Variants in SHANK2 observed in about 807,000 individuals in gnomAD.
SHANK2 encodes SH3 and multiple ankyrin repeat domains 2, also known as SH3 and multiple ankyrin repeat domains protein 2.
SHANK2 carries 43 observed loss-of-function variants against 133.7 expected under a neutral mutation model. The observed-to-expected ratio is 0.32, with a 90% CI of 0.25 to 0.41. The LOEUF is 0.41. SHANK2 is among the 10% of genes least tolerant of loss of function. The pLI, the probability that SHANK2 is intolerant of heterozygous loss-of-function variation, is 1.00. For missense variants in SHANK2, 1,994 were observed against 2,235.8 expected (o/e 0.89, Z 2.18); for synonymous variants, 1,017 against 952.8 (o/e 1.07, Z -1.24).
intron 2 of SHANK2, among the ~76,000 whole-genome samples, chr11:71,187,385 TG>T (rs144361367): frequency 0.03 from 4,635 of 152,206 alleles, 105 homozygotes; most frequent in African/African-American, 0.062. Flanking sequence ...ATGTTTTGTT[TG>T]GAGACAGTTT....
intron 17 of SHANK2, among the ~76,000 whole-genome samples, chr11:70,557,573 C>T (rs1474811925): frequency 6.6e-6 from 1 of 152,120 alleles, no homozygotes; most frequent in East Asian, 1.9e-4. Context: ...AAGCCGGGAG[C>T]AGGGAGCAGG....
intron 3 of SHANK2, among the ~76,000 whole-genome samples, chr11:71,123,859 C>T (rs1199842084): frequency 6.6e-6 from 1 of 152,126 alleles, no homozygotes; most frequent in Non-Finnish European, 1.5e-5. Flanking sequence ...CCTTGAGCTT[C>T]TATCTTCTGT....
chr11:70,835,579 A>G (rs1555059863), intron 11 of SHANK2, among the ~76,000 whole-genome samples: 1 of 152,102 alleles, frequency 6.6e-6, no homozygotes, highest in Non-Finnish European at 1.5e-5. Context: ...ATCTTGCACC[A>G]TGAGAAGAGA....
At chr11:70,938,083 T>TA (rs1349900591) in intron 10 of SHANK2, among the ~76,000 whole-genome samples, 1 of 152,192 alleles carries the variant, frequency 6.6e-6, no homozygotes, top group Non-Finnish European at 1.5e-5. Context: ...TCTTCATAAT[T>TA]ACAGCAGGAA....
At chr11:70,682,800 C>T (rs1374406716) in intron 15 of SHANK2, among the ~76,000 whole-genome samples, 3 of 152,014 alleles carry the variant, frequency 2.0e-5, no homozygotes, top group African/African-American at 4.8e-5. Flanking sequence ...CAAGAGCAGC[C>T]GTGGATGGAA....
At chr11:70,755,280 C>T (rs1946843467) in intron 14 of SHANK2, among the ~76,000 whole-genome samples, 1 of 152,188 alleles carries the variant, frequency 6.6e-6, no homozygotes, top group African/African-American at 2.4e-5. Context: ...CCATGTTGGC[C>T]AGGCTGGTCT....
At chr11:71,139,569 T>C (rs782815778) in intron 3 of SHANK2, among the ~76,000 whole-genome samples, 1 of 152,136 alleles carries the variant, frequency 6.6e-6, no homozygotes, top group Non-Finnish European at 1.5e-5. Flanking sequence ...CCAGTTTTCT[T>C]CCCTCTTCCT....
At chr11:71,228,893 T>C (rs1297078978) in intron 1 of SHANK2, among the ~76,000 whole-genome samples, 1 of 152,226 alleles carries the variant, frequency 6.6e-6, no homozygotes, top group African/African-American at 2.4e-5. Flanking sequence ...AAAAGAATTA[T>C]ATACCATGAC....
chr11:70,685,924 C>T (rs1591748196), intron 15 of SHANK2, among the ~76,000 whole-genome samples: 1 of 152,126 alleles, frequency 6.6e-6, no homozygotes, highest in East Asian at 1.9e-4. Flanking sequence ...GTCACAGATT[C>T]AGTCAGCCAC....
At chr11:71,098,927 G>A (rs1182958342) in intron 6 of SHANK2, among the ~76,000 whole-genome samples, 3 of 152,154 alleles carry the variant, frequency 2.0e-5, no homozygotes, top group African/African-American at 7.2e-5. Context: ...CTCTCCGTGG[G>A]GAAACCTGAT....
intron 10 of SHANK2, among the ~76,000 whole-genome samples, chr11:70,950,842 G>C (rs982678618): frequency 1.3e-5 from 2 of 151,580 alleles, no homozygotes; most frequent in African/African-American, 4.9e-5. Context: ...GTTTTGTTTT[G>C]GTTTTTTTGT....
intron 14 of SHANK2, among the ~76,000 whole-genome samples, chr11:70,744,051 G>A (rs1298881652): frequency 1.3e-5 from 2 of 152,198 alleles, no homozygotes; most frequent in East Asian, 3.9e-4. Context: ...TGGGCATCCC[G>A]GGCCACACTT....
At chr11:70,822,100 C>T (rs1169323960) in intron 11 of SHANK2, among the ~76,000 whole-genome samples, 1 of 152,262 alleles carries the variant, frequency 6.6e-6, no homozygotes, top group African/African-American at 2.4e-5. Context: ...GGCAGCCCTC[C>T]AAGCTCCGCA....
At chr11:70,685,229 C>A (rs1252023779) in intron 15 of SHANK2, among the ~76,000 whole-genome samples, 1 of 152,138 alleles carries the variant, frequency 6.6e-6, no homozygotes, top group African/African-American at 2.4e-5. Flanking sequence ...AGTCTGGGCC[C>A]CTCTCTTCCA....
chr11:70,485,825 C>G lies in SHANK2; in HGVS notation c.4468G>C (p.Gly1490Arg). 1 of 1,614,018 alleles carries G rather than the reference C, an allele frequency of 6.2e-7. No individual in the cohort carries two copies. Among genetic ancestry groups the G allele is most frequent in the Non-Finnish European group, 8.5e-7 (1 of 1,180,032 alleles). Residue 1490 changes from glycine to arginine, a missense_variant, in exon 25 of 26, where the codon GGG becomes CGG. By Grantham distance (125) the Gly-to-Arg change is moderately radical (BLOSUM62 -2). Around this residue, in one of 5 missense-constraint regions of SHANK2, gnomAD observed 797 missense variants for 907.4 expected, o/e 0.88. Transcript: ENST00000601538. This position sits in a 1 kb window ranked among gnomAD's most constrained non-coding sequence, Gnocchi z 5.8. ...PESFDAVADS[G>R]IEEVDSRSSS... is the part of the protein sequence containing the mutation. ...CTCCGGCTGTCCACCTCCTCGATCCCAGAGTCGGCGACGGCGTCAAAGCTT... is the reference window on the plus strand; with the variant it reads ...CTCCGGCTGTCCACCTCCTCGATCCGAGAGTCGGCGACGGCGTCAAAGCTT...
At position 70,940,178 on chromosome 11, in the gene SHANK2, C is replaced by A. The variant is rs1241026150; in HGVS notation, c.1108-43611G>T. 6.9e-3 allele frequency among the ~76,000 whole-genome samples: 1,009 copies of A among 146,402 alleles called. 5 individuals are homozygous for A. Among genetic ancestry groups the A allele is most frequent in the African/African-American group, 0.024 (872 of 36,908 alleles). ...AATTTCCTTCCTTCCTTCCTTCCTT[C>A]CTTCCTTACTTCCTTCCTTCCTGCC... On this transcript the variant is annotated intron_variant, in intron 10 of 25. Transcript: ENST00000601538.
intron 11 of SHANK2, among the ~76,000 whole-genome samples, chr11:70,833,438 G>C (rs2135405716): frequency 6.6e-6 from 1 of 152,348 alleles, no homozygotes; most frequent in South Asian, 2.1e-4. Flanking sequence ...CGTGAGGCTG[G>C]GTCTCGGGCA....
At chr11:70,901,055 G>A (rs1293240119) in intron 10 of SHANK2, among the ~76,000 whole-genome samples, 2 of 152,064 alleles carry the variant, frequency 1.3e-5, no homozygotes, top group Non-Finnish European at 2.9e-5. Context: ...TCCCAGGAGC[G>A]ACCTCTTTTG....
At chr11:71,171,267 G>A (rs965599064) in intron 2 of SHANK2, among the ~76,000 whole-genome samples, 2 of 152,192 alleles carry the variant, frequency 1.3e-5, no homozygotes, top group Admixed American at 6.5e-5. Flanking sequence ...ACCTGCGACG[G>A]GCTGTCTGCA....
Sources: gnomAD v4.1 joint callset for allele counts (sites outside exome capture counted in the v4.1 genomes callset) on GRCh38, gnomAD v4.1.1 for gene constraint, gnomAD v4.1.1 regional missense constraint, Gnocchi (gnomAD v3.1) non-coding constraint, MANE v1.5 for transcripts, NCBI Gene and HGNC (gene_info 2026-07-23, HGNC 2026-07-21) for gene names.